The following ZMAT4 variants were observed in gnomAD, a reference collection of about 807,000 sequenced individuals.
ZMAT4 encodes the protein zinc finger matrin-type protein 4.
ZMAT4 carries 17 observed loss-of-function variants against 28.7 expected under a neutral mutation model. The observed-to-expected ratio is 0.59, with a 90% CI of 0.41 to 0.89. The LOEUF (loss-of-function observed/expected upper bound fraction) is 0.89, where lower values mean the gene tolerates loss of function less well. ZMAT4 is among the 40% of genes least tolerant of loss of function. ZMAT4 has a pLI of 0.00. For synonymous variants in ZMAT4, 117 were observed against 109.2 expected (o/e 1.07, Z -0.44); for missense variants, 240 against 283.8 (o/e 0.85, Z 1.11).
intron 5 of ZMAT4, among the ~76,000 whole-genome samples, chr8:40,607,439 T>C (rs1805636253): frequency 6.6e-6 from 1 of 152,102 alleles, no homozygotes; most frequent in South Asian, 2.1e-4. Context: ...CTATATCTTG[T>C]ATCCTTTTTA....
At chr8:40,533,965 T>G (rs1272847727) in intron 6 of ZMAT4, among the ~76,000 whole-genome samples, 1 of 152,150 alleles carries the variant, frequency 6.6e-6, no homozygotes, top group Non-Finnish European at 1.5e-5. Context: ...TGAACACTTT[T>G]GAGATTAAAA....
intron 5 of ZMAT4, among the ~76,000 whole-genome samples, chr8:40,616,429 A>G (rs1806007815): frequency 1.3e-5 from 2 of 152,360 alleles, no homozygotes; most frequent in Admixed American, 1.3e-4. Flanking sequence ...ATAAAGATAC[A>G]TGCACATGTA....
intron 5 of ZMAT4, among the ~76,000 whole-genome samples, chr8:40,636,870 A>G (rs1369788107): frequency 6.6e-6 from 1 of 152,160 alleles, no homozygotes; most frequent in Middle Eastern, 3.2e-3. Context: ...TTTAAAATGA[A>G]AACTTTTTAT....
intron 5 of ZMAT4, among the ~76,000 whole-genome samples, chr8:40,642,874 T>C (rs1243746058): frequency 2.6e-5 from 4 of 152,152 alleles, no homozygotes; most frequent in Non-Finnish European, 5.9e-5. Flanking sequence ...AAAATGACTG[T>C]CCCAGTTTCC....
chr8:40,600,186 G>A (rs1805251830), intron 5 of ZMAT4, among the ~76,000 whole-genome samples: 1 of 152,200 alleles, frequency 6.6e-6, no homozygotes, highest in Admixed American at 6.5e-5. Flanking sequence ...GACTGCAGAG[G>A]AGGGAGAAAG....
chr8:40,692,675 A>G (rs1473534768), intron 4 of ZMAT4, among the ~76,000 whole-genome samples: 2 of 152,212 alleles, frequency 1.3e-5, no homozygotes, highest in African/African-American at 4.8e-5. Context: ...AATGCTGGAT[A>G]GAACCTAACC....
At chr8:40,556,526 C>T (rs908832315) in intron 6 of ZMAT4, among the ~76,000 whole-genome samples, 4 of 152,136 alleles carry the variant, frequency 2.6e-5, no homozygotes, top group East Asian at 3.9e-4. Flanking sequence ...GTCCCGTTCT[C>T]CACCCAGTCC....
At chr8:40,806,295 C>T (rs1815082665) in intron 2 of ZMAT4, among the ~76,000 whole-genome samples, 1 of 152,202 alleles carries the variant, frequency 6.6e-6, no homozygotes, top group Admixed American at 6.5e-5. Context: ...AGCATCACAT[C>T]ATAGTTTTCC....
At chr8:40,607,117 C>CTT (rs71544299) in intron 5 of ZMAT4, among the ~76,000 whole-genome samples, 809 of 65,718 alleles carry the variant, frequency 0.012, 19 homozygotes, top group Middle Eastern at 0.03. Context: ...TATCTTGTAT[C>CTT]TTTTTTTTTT....
At chr8:40,624,887 C>T (rs937721644) in intron 5 of ZMAT4, among the ~76,000 whole-genome samples, 9 of 152,130 alleles carry the variant, frequency 5.9e-5, no homozygotes, top group Non-Finnish European at 1.3e-4. Context: ...GAGTTCATGC[C>T]CCAAGGAGCT....
chr8:40,579,596 A>T (rs1376521139), intron 6 of ZMAT4, among the ~76,000 whole-genome samples: 1 of 152,166 alleles, frequency 6.6e-6, no homozygotes, highest in Non-Finnish European at 1.5e-5. Context: ...TCAGTAACTA[A>T]CTTTGGGTTT....
At chr8:40,647,924 A>T (rs567087764) in intron 5 of ZMAT4, among the ~76,000 whole-genome samples, 13 of 152,356 alleles carry the variant, frequency 8.5e-5, no homozygotes, top group Non-Finnish European at 1.5e-4. Context: ...AACCATCTGT[A>T]CATCACCATC....
At chr8:40,681,388 C>T (rs541834477) in intron 4 of ZMAT4, among the ~76,000 whole-genome samples, 3 of 152,188 alleles carry the variant, frequency 2.0e-5, no homozygotes, top group African/African-American at 7.2e-5. Flanking sequence ...TTATTTTTTT[C>T]CTACCCTAAA....
At chr8:40,626,919 T>C (rs1163915457) in intron 5 of ZMAT4, among the ~76,000 whole-genome samples, 1 of 152,178 alleles carries the variant, frequency 6.6e-6, no homozygotes, top group East Asian at 1.9e-4. Flanking sequence ...ATTATACATT[T>C]GATGAACTAA....
rs149812388 is a variant in ZMAT4 at position 40,893,585 on chromosome 8, C to G, written c.-5+4098G>C. 1.8e-3 allele frequency among the ~76,000 whole-genome samples: 276 copies of G among 152,310 alleles called. 7 individuals are homozygous for G. The East Asian group carries it at 0.048, about 27-fold the overall frequency. On this transcript the variant is annotated intron_variant, in intron 1 of 6. Transcript: ENST00000297737. ...AAGGCCGCCGTTTCCCACTCTGCTC[C>G]CCATCCAAACTCAGTCTGCCTCTGC...
intron 4 of ZMAT4, among the ~76,000 whole-genome samples, chr8:40,683,907 A>G (rs1275115485): frequency 1.3e-5 from 2 of 152,092 alleles, no homozygotes; most frequent in Admixed American, 1.3e-4. Context: ...TCTACAAAAA[A>G]TACAAAAATT....
chr8:40,547,486 G>T (rs546908251), intron 6 of ZMAT4, among the ~76,000 whole-genome samples: 2 of 152,292 alleles, frequency 1.3e-5, no homozygotes, highest in Non-Finnish European at 2.9e-5. Flanking sequence ...ATTTGAATTT[G>T]AATTTTAACC....
chr8:40,567,040 CAT>C (rs1803945520), intron 6 of ZMAT4, among the ~76,000 whole-genome samples: 3 of 152,016 alleles, frequency 2.0e-5, no homozygotes, highest in African/African-American at 7.2e-5. Flanking sequence ...GTAAAGTGCA[CAT>C]GTTATCCTGT....
intron 1 of ZMAT4, among the ~76,000 whole-genome samples, chr8:40,890,840 C>G (rs1818642436): frequency 6.6e-6 from 1 of 151,876 alleles, no homozygotes; most frequent in Admixed American, 6.6e-5. Context: ...AGTTTTGCTA[C>G]CGTGGCTCCC....
Sources: allele counts gnomAD v4.1 joint callset (sites outside exome capture counted in the v4.1 genomes callset), GRCh38; gene constraint gnomAD v4.1.1; transcripts MANE v1.5; gene names NCBI Gene and HGNC (gene_info 2026-07-23, HGNC 2026-07-21).